Variants in PAK1 observed in about 807,000 individuals in gnomAD.
The protein encoded by PAK1 is p21 (RAC1) activated kinase 1, also known as serine/threonine-protein kinase PAK 1.
PAK1 carries 29 observed loss-of-function variants against 67.4 expected under a neutral mutation model. That is an observed-to-expected ratio of 0.43 (90% CI 0.32 to 0.59). The LOEUF is 0.59. Ranked by LOEUF, PAK1 falls within the 20% of genes least tolerant of loss-of-function variation. The pLI is 0.07. For missense variants in PAK1, 337 were observed against 670.7 expected, an observed-to-expected ratio of 0.50 and a Z score of 5.50; for synonymous variants, 223 against 237.4, an observed-to-expected ratio of 0.94 and a Z score of 0.56.
intron 1 of PAK1, among the ~76,000 whole-genome samples, chr11:77,409,002 T>C (rs1358872171): frequency 6.6e-6 from 1 of 152,154 alleles, no homozygotes; most frequent in African/African-American, 2.4e-5. Context: ...CGATGGCTCA[T>C]GCCTGTAATC....
intron 2 of PAK1, among the ~76,000 whole-genome samples, chr11:77,391,128 TC>T: frequency 6.6e-6 from 1 of 152,220 alleles, no homozygotes; most frequent in Non-Finnish European, 1.5e-5. Context: ...ATTATATTTT[TC>T]TACAACATGA....
At chr11:77,376,736 C>CA (rs35882567) in intron 4 of PAK1, among the ~76,000 whole-genome samples, 28,486 of 74,868 alleles carry the variant, frequency 0.38, 4,512 homozygotes, top group South Asian at 0.52. Context: ...GACTCCATCT[C>CA]AAAAAAAAAA....
chr11:77,371,334 T>C (rs999137258), intron 5 of PAK1, among the ~76,000 whole-genome samples: 4 of 152,222 alleles, frequency 2.6e-5, no homozygotes, highest in African/African-American at 9.7e-5. Flanking sequence ...CCATCAAATA[T>C]AACCCTATTG....
At chr11:77,415,834 A>G (rs1324619616) in intron 1 of PAK1, among the ~76,000 whole-genome samples, 1 of 152,094 alleles carries the variant, frequency 6.6e-6, no homozygotes, top group South Asian at 2.1e-4. Flanking sequence ...ACTTCCTGTA[A>G]GTTTTTACTT....
At chr11:77,506,013 A>G in the PAK1 span, among the ~76,000 whole-genome samples, 1 of 152,294 alleles carries the variant, frequency 6.6e-6, no homozygotes, top group South Asian at 2.1e-4. Context: ...GCCTGGAGGT[A>G]TAAGAGAGAA....
intron 4 of PAK1, among the ~76,000 whole-genome samples, chr11:77,376,791 A>T (rs1316351370): frequency 1.3e-5 from 2 of 152,122 alleles, no homozygotes; most frequent in African/African-American, 4.8e-5. Context: ...TTGACAAAAA[A>T]ATTAGCATGG....
intron 1 of PAK1, among the ~76,000 whole-genome samples, chr11:77,443,937 G>A (rs569018643): frequency 3.0e-4 from 46 of 152,218 alleles, no homozygotes; most frequent in Non-Finnish European, 6.2e-4. Flanking sequence ...TAGTATTCTG[G>A]AGTCTACATA....
intron 11 of PAK1, among the ~76,000 whole-genome samples, chr11:77,339,956 G>A (rs1176709066): frequency 6.6e-6 from 1 of 151,728 alleles, no homozygotes; most frequent in Non-Finnish European, 1.5e-5. Context: ...TCATCTTTTT[G>A]CTCTAATGGA....
At chr11:77,400,993 A>T (rs1181884680) in intron 1 of PAK1, among the ~76,000 whole-genome samples, 2 of 152,222 alleles carry the variant, frequency 1.3e-5, no homozygotes, top group African/African-American at 4.8e-5. Flanking sequence ...TGGTGATAGA[A>T]CCACTACACC....
At chr11:77,366,312 GACTCTA>G (rs1315476304) in intron 5 of PAK1, among the ~76,000 whole-genome samples, 1 of 152,158 alleles carries the variant, frequency 6.6e-6, no homozygotes, top group Non-Finnish European at 1.5e-5. Flanking sequence ...TAACATGGAA[GACTCTA>G]AAAAAATACT....
At chr11:77,329,486 A>C (rs561371148) in intron 14 of PAK1, among the ~76,000 whole-genome samples, 4 of 152,378 alleles carry the variant, frequency 2.6e-5, no homozygotes, top group East Asian at 3.9e-4. Context: ...AACATACGCA[A>C]ATCAATAAAT....
intron 1 of PAK1, among the ~76,000 whole-genome samples, chr11:77,470,073 G>A (rs376327465): frequency 1.3e-5 from 2 of 152,042 alleles, no homozygotes; most frequent in African/African-American, 4.8e-5. Flanking sequence ...ATGCCAAAAA[G>A]AAATATTTTT....
intron 1 of PAK1, among the ~76,000 whole-genome samples, chr11:77,400,812 G>A (rs1952574159): frequency 6.6e-6 from 1 of 152,194 alleles, no homozygotes; most frequent in South Asian, 2.1e-4. Context: ...TCATTCATCA[G>A]TGCAAATATT....
At chr11:77,502,666 C>CTGT in the PAK1 span, among the ~76,000 whole-genome samples, 2 of 152,188 alleles carry the variant, frequency 1.3e-5, no homozygotes, top group Admixed American at 6.5e-5. Context: ...CAGGAGCTTC[C>CTGT]TGTTCCCTCT....
At chr11:77,520,187 C>G in the PAK1 span, among the ~76,000 whole-genome samples, 2 of 152,214 alleles carry the variant, frequency 1.3e-5, no homozygotes, top group Non-Finnish European at 2.9e-5. Flanking sequence ...TCATTCCCCC[C>G]TCTAAAGAAG....
intron 1 of PAK1, among the ~76,000 whole-genome samples, chr11:77,462,323 T>A (rs1299228638): frequency 1.6e-5 from 2 of 125,372 alleles, no homozygotes; most frequent in East Asian, 4.6e-4. Context: ...AGAGTGAGAC[T>A]CCGTCTCAAA....
chr11:77,370,249 A>C (rs1036039356), intron 5 of PAK1, among the ~76,000 whole-genome samples: 3 of 152,188 alleles, frequency 2.0e-5, no homozygotes, highest in Non-Finnish European at 4.4e-5. Flanking sequence ...CCTTCACTGC[A>C]GAGCTACTTC....
At chr11:77,454,530 T>A (rs1055055993) in intron 1 of PAK1, among the ~76,000 whole-genome samples, 6 of 152,118 alleles carry the variant, frequency 3.9e-5, no homozygotes, top group Admixed American at 1.3e-4. Flanking sequence ...CTTTTTTTTT[T>A]ATCAGGTATT....
chr11:77,371,593 T>A (rs1454120127), intron 5 of PAK1, among the ~76,000 whole-genome samples: 1 of 152,228 alleles, frequency 6.6e-6, no homozygotes, highest in Non-Finnish European at 1.5e-5. Flanking sequence ...AGTCTTAATT[T>A]CTTAGGCAGC....
Sources: allele counts gnomAD v4.1 joint callset (sites outside exome capture counted in the v4.1 genomes callset), GRCh38; gene constraint gnomAD v4.1.1; transcripts MANE v1.5; gene names NCBI Gene and HGNC (gene_info 2026-07-23, HGNC 2026-07-21).